The following EVC2 variants were observed in gnomAD, a reference collection of about 807,000 sequenced individuals.
EVC2 encodes EvC ciliary complex subunit 2.
EVC2 carries 148 observed loss-of-function variants against 149.3 expected under a neutral mutation model. That is an observed-to-expected ratio of 0.99 (90% CI 0.87 to 1.14). The LOEUF (loss-of-function observed/expected upper bound fraction) is 1.14, where lower values mean the gene tolerates loss of function less well. Among genes scored for constraint, EVC2 ranks in the 50% most tolerant of loss-of-function variants. The pLI is 0.00. For missense variants in EVC2, 1,854 were observed against 1,627.3 expected, an observed-to-expected ratio of 1.14 and a Z score of -2.40; for synonymous variants, 776 against 649.9, an observed-to-expected ratio of 1.19 and a Z score of -2.95.
Position 5,663,097 on chromosome 4 carries a change from G to C in EVC2, c.1145+10C>G, listed in dbSNP as rs1165259121. 5 of 1,613,816 alleles carry C rather than the reference G, an allele frequency of 3.1e-6. No individual in the cohort carries two copies. The highest frequency in any genetic ancestry group is 2.2e-5 in the East Asian group (1 of 44,864). On this transcript the variant is annotated intron_variant, in intron 9 of 21. Transcript: ENST00000344408. Reference sequence around the variant, plus strand: ...ATGTGTGTAAGTATAATGGGATTTAGAATTCTTACTCTTCTAAGGCTTGAA... The same window carrying C: ...ATGTGTGTAAGTATAATGGGATTTACAATTCTTACTCTTCTAAGGCTTGAA...
chr4:5,708,564 G>T, upstream of EVC2: 1 of 1,302,824 alleles, frequency 7.7e-7, no homozygotes, highest in Non-Finnish European at 1.0e-6. Context: ...CGAGTCGCTG[G>T]AGCTTCCGGA....
chr4:5,665,238 A>C (rs1482049288), intron 8 of EVC2, among the ~76,000 whole-genome samples: 2 of 152,122 alleles, frequency 1.3e-5, no homozygotes, highest in Non-Finnish European at 2.9e-5. Flanking sequence ...TAAGCCCAGG[A>C]GTTCCAAGTT....
Position 5,618,776 on chromosome 4 carries a change from T to C in EVC2, c.2502-94A>G. Reference sequence around the variant, plus strand: ...CCAGAGATGCAAAGCTCATTCCTCATATCCATGTCTGCAGAAAAAGCACTG... The same window carrying C: ...CCAGAGATGCAAAGCTCATTCCTCACATCCATGTCTGCAGAAAAAGCACTG... On this transcript the variant is annotated intron_variant, in intron 14 of 21. Coordinates refer to ENST00000344408, the MANE Select transcript of EVC2 (RefSeq NM_147127.5). The surrounding 1 kb of genome is among the most constrained non-coding windows in gnomAD (Gnocchi z 4.4). 1.7e-6 allele frequency: 2 copies of C among 1,200,706 alleles called. No homozygotes were observed. Among genetic ancestry groups the C allele is most frequent in the Non-Finnish European group, 2.4e-6 (2 of 830,236 alleles). The allele number at this position is 1,200,706 out of a possible 1,614,324, so 74.4% of individuals were successfully genotyped here.
Position 5,568,591 on chromosome 4 carries a change from G to A in EVC2, c.3410C>T (p.Ala1137Val), listed in dbSNP as rs771699143. The A allele has an allele frequency of 1.2e-6, 2 of 1,608,542 alleles. No individual in the cohort carries two copies. The highest frequency in any genetic ancestry group is 1.3e-5 in the African/African-American group (1 of 75,018). The stretch of plus-strand genomic sequence containing the variant: ...CACACTCAGGAGCCGGCGAAGCGTG[G>A]CCCCGGGCACCATGGCCATCCTCGC... The part of the protein sequence containing the change: ...YLARMAMVPG[A>V]TLRRLLSVVL... Residue 1137 changes from alanine to valine, a missense_variant, in exon 20 of 22, where the codon GCC becomes GTC. Transcript: ENST00000344408.
intron 2 of EVC2, among the ~76,000 whole-genome samples, chr4:5,695,299 G>C (rs965291766): frequency 6.7e-6 from 1 of 148,768 alleles, no homozygotes. Context: ...AGTGAGCCGA[G>C]ATCATGCCAC....
intron 2 of EVC2, among the ~76,000 whole-genome samples, chr4:5,695,046 C>T (rs552274611): frequency 1.2e-4 from 18 of 152,204 alleles, no homozygotes; most frequent in African/African-American, 4.1e-4. Context: ...CTGCTGAGCC[C>T]TCCAATAGGA....
intron 4 of EVC2, 32 bp downstream of exon 4, chr4:5,691,233 T>C: frequency 2.5e-6 from 4 of 1,587,872 alleles, no homozygotes; most frequent in Non-Finnish European, 3.5e-6. Context: ...AATTATTTTC[T>C]CTTCAAATAT....
intron 10 of EVC2, among the ~76,000 whole-genome samples, chr4:5,634,147 T>A (rs1009925174): frequency 1.1e-4 from 16 of 152,244 alleles, no homozygotes; most frequent in Non-Finnish European, 1.9e-4. Context: ...CCCTTGCCCA[T>A]ACTAATAGCT....
chr4:5,614,985 C>A lies in EVC2; in HGVS notation c.2829+437G>T, dbSNP rs78431343. ...GAGTAAGACTCCATTTCAAAAAAACCAAAACCAAACAAACAAAAAAAAATG... is the reference window on the plus strand; with the variant it reads ...GAGTAAGACTCCATTTCAAAAAAACAAAAACCAAACAAACAAAAAAAAATG... On this transcript the variant is annotated intron_variant, in intron 16 of 21. Transcript: ENST00000344408. This position sits in a 1 kb window ranked among gnomAD's most constrained non-coding sequence, Gnocchi z 4.7. Among the ~76,000 whole-genome samples the A allele has an allele frequency of 5.9e-3, 896 of 151,974 alleles. 14 individuals are homozygous for A. Among genetic ancestry groups the A allele is most frequent in the African/African-American group, 0.019 (795 of 41,450 alleles).
At position 5,687,603 on chromosome 4, in the gene EVC2, C is replaced by T. The variant is rs568773195; in HGVS notation, c.706+1554G>A. ...CTTTGGGGCAAGGGACTGGGTAGGG[C>T]TTTCTAGAAAAGGTGACACCAGGGC... On this transcript the variant is annotated intron_variant, in intron 5 of 21. Transcript: ENST00000344408. 1.2e-4 allele frequency among the ~76,000 whole-genome samples: 18 copies of T among 152,158 alleles called. No homozygotes were observed. In the South Asian group the frequency reaches 2.5e-3, roughly 21 times the overall value.
intron 2 of EVC2, 108 bp from the exon 3 acceptor site, chr4:5,694,609 G>A (rs771922901): frequency 2.1e-4 from 264 of 1,263,534 alleles, no homozygotes; most frequent in South Asian, 2.5e-5. Context: ...CTTAGAAGAC[G>A]TTTGTTGGGT....
chr4:5,624,527 T>C (rs982614959), intron 13 of EVC2, among the ~76,000 whole-genome samples: 1 of 152,238 alleles, frequency 6.6e-6, no homozygotes, highest in African/African-American at 2.4e-5. Flanking sequence ...TTCGTGGACC[T>C]ACATCCTAAT....
chr4:5,592,464 G>C (rs1712892739), intron 16 of EVC2, among the ~76,000 whole-genome samples: 1 of 152,200 alleles, frequency 6.6e-6, no homozygotes, highest in Admixed American at 6.5e-5. Flanking sequence ...CAGGGCAGGA[G>C]AGAGCCCCGC....
intron 1 of EVC2, among the ~76,000 whole-genome samples, chr4:5,706,331 T>C (rs1396624526): frequency 1.4e-5 from 2 of 143,878 alleles, no homozygotes; most frequent in South Asian, 2.2e-4. Flanking sequence ...CATAGATAGA[T>C]AGATAGATAC....
intron 1 of EVC2, among the ~76,000 whole-genome samples, chr4:5,701,213 CTT>C (rs1318993405): frequency 6.6e-6 from 1 of 152,224 alleles, no homozygotes; most frequent in Non-Finnish European, 1.5e-5. Flanking sequence ...CTTCTGATCT[CTT>C]CTCTGCCTGC....
intron 17 of EVC2, 34 bp downstream of exon 17, chr4:5,584,589 C>A: frequency 1.3e-6 from 2 of 1,599,914 alleles, no homozygotes; most frequent in South Asian, 2.3e-5. Flanking sequence ...AGACCCAGCT[C>A]TGTCCCCCTC....
chr4:5,573,835 A>G (rs1483085490), intron 19 of EVC2, among the ~76,000 whole-genome samples: 1 of 151,566 alleles, frequency 6.6e-6, no homozygotes. Context: ...AGTGACTCGC[A>G]CCTCCCCTGC....
intron 16 of EVC2, among the ~76,000 whole-genome samples, chr4:5,593,682 C>G (rs980149438): frequency 5.3e-5 from 8 of 152,212 alleles, no homozygotes; most frequent in East Asian, 3.9e-4. Flanking sequence ...TCTGAGGTAC[C>G]GGGATCATCT....
At chr4:5,623,277 C>G (rs188266133) in intron 13 of EVC2, among the ~76,000 whole-genome samples, 1 of 152,026 alleles carries the variant, frequency 6.6e-6, no homozygotes, top group East Asian at 1.9e-4. Flanking sequence ...GCTGCAATTA[C>G]GGGCACGTGC....
Sources: gnomAD v4.1 joint callset for allele counts (sites outside exome capture counted in the v4.1 genomes callset) on GRCh38, gnomAD v4.1.1 for gene constraint, Gnocchi (gnomAD v3.1) non-coding constraint, MANE v1.5 for transcripts, NCBI Gene and HGNC (gene_info 2026-07-23, HGNC 2026-07-21) for gene names.